The following WWTR1 variants were observed in gnomAD, a reference collection of about 807,000 sequenced individuals.
The protein encoded by WWTR1 is WW domain-containing transcription regulator protein 1.
Under a neutral mutation model 40.1 loss-of-function variants are expected in WWTR1, and 13 were observed. The ratio of observed to expected loss-of-function variants is 0.32; its 90% CI spans 0.21 to 0.52. WWTR1 has a LOEUF of 0.52. Among genes scored for constraint, WWTR1 ranks in the 20% least tolerant of loss-of-function variants. The pLI is 0.97. For missense variants in WWTR1, 436 were observed against 523.1 expected (o/e 0.83, Z 1.63); for synonymous variants, 230 against 210.1 (o/e 1.09, Z -0.82).
At chr3:149,574,816 C>T (rs530659859) in intron 2 of WWTR1, among the ~76,000 whole-genome samples, 1 of 150,378 alleles carries the variant, frequency 6.6e-6, no homozygotes, top group Non-Finnish European at 1.5e-5. Context: ...AAAAAAAGGC[C>T]GGGGGCGGTG....
chr3:149,565,320 A>G (rs1737260583), intron 3 of WWTR1, among the ~76,000 whole-genome samples: 1 of 150,678 alleles, frequency 6.6e-6, no homozygotes, highest in Non-Finnish European at 1.5e-5. Flanking sequence ...TTTTTTTTTA[A>G]GGAAAATTGT....
In WWTR1 at chr3:149,590,739, C is replaced by T. The variant is rs533895226; in HGVS notation, c.432-17739G>A. 3.9e-4 allele frequency among the ~76,000 whole-genome samples: 59 copies of T among 152,244 alleles called. No individual in the cohort carries two copies. In the South Asian group the frequency reaches 0.012, roughly 32 times the overall value. On this transcript the variant is annotated intron_variant, in intron 2 of 6. Transcript: ENST00000360632. ...GCAGAGCAGAGTCAAATCTTGTTCTCATAATAAGGTCTAGGGCTTTTTCCA... is the reference window on the plus strand; with the variant it reads ...GCAGAGCAGAGTCAAATCTTGTTCTTATAATAAGGTCTAGGGCTTTTTCCA...
intron 3 of WWTR1, among the ~76,000 whole-genome samples, chr3:149,549,773 A>T (rs951285365): frequency 6.6e-6 from 1 of 152,180 alleles, no homozygotes; most frequent in African/African-American, 2.4e-5. Flanking sequence ...CAGGAGGAAG[A>T]GACTACAATG....
chr3:149,574,185 C>A (rs1012241576), intron 2 of WWTR1, among the ~76,000 whole-genome samples: 6 of 151,976 alleles, frequency 3.9e-5, no homozygotes, highest in Non-Finnish European at 7.4e-5. Flanking sequence ...CACCTGCGAC[C>A]ACACCTGGCT....
chr3:149,691,882 G>A (rs1202553587), intron 1 of WWTR1, among the ~76,000 whole-genome samples: 2 of 152,230 alleles, frequency 1.3e-5, no homozygotes, highest in African/African-American at 4.8e-5. Flanking sequence ...CGGGCGTGGT[G>A]GCAGGCGCCT....
At chr3:149,631,041 T>C (rs943378460) in intron 2 of WWTR1, among the ~76,000 whole-genome samples, 7 of 152,158 alleles carry the variant, frequency 4.6e-5, no homozygotes, top group African/African-American at 1.7e-4. Context: ...AGCCTGGAAA[T>C]GTTGACCTTT....
intron 2 of WWTR1, among the ~76,000 whole-genome samples, chr3:149,610,815 A>G (rs1418726209): frequency 6.6e-6 from 1 of 152,112 alleles, no homozygotes; most frequent in Non-Finnish European, 1.5e-5. Flanking sequence ...GGGGGACTCA[A>G]AAGAAGAAAA....
upstream of WWTR1, among the ~76,000 whole-genome samples, chr3:149,704,638 T>C (rs916029513): frequency 1.3e-5 from 2 of 152,066 alleles, no homozygotes; most frequent in African/African-American, 2.4e-5. Context: ...TCTAGAAAAC[T>C]TGCTCAGACC....
chr3:149,690,658 T>C (rs1245111565), intron 1 of WWTR1, among the ~76,000 whole-genome samples: 3 of 152,118 alleles, frequency 2.0e-5, no homozygotes, highest in African/African-American at 7.2e-5. Flanking sequence ...GATCCTAATA[T>C]AATAATAGCT....
At chr3:149,693,995 T>C (rs887046900) in intron 1 of WWTR1, among the ~76,000 whole-genome samples, 3 of 152,046 alleles carry the variant, frequency 2.0e-5, no homozygotes, top group Non-Finnish European at 4.4e-5. Flanking sequence ...ATGGACAAAT[T>C]GAATCAAATC....
intron 4 of WWTR1, among the ~76,000 whole-genome samples, chr3:149,529,575 T>C (rs1035634617): frequency 6.6e-6 from 1 of 152,186 alleles, no homozygotes; most frequent in Non-Finnish European, 1.5e-5. Flanking sequence ...ATTTTTTTGG[T>C]AAAAAGTGAT....
At chr3:149,571,570 A>G (rs944704923) in intron 3 of WWTR1, among the ~76,000 whole-genome samples, 3 of 152,192 alleles carry the variant, frequency 2.0e-5, no homozygotes, top group African/African-American at 7.2e-5. Flanking sequence ...GAAACTGTAC[A>G]TCTGCAAGCT....
intron 4 of WWTR1, among the ~76,000 whole-genome samples, chr3:149,721,470 T>A (rs926239676): frequency 6.6e-6 from 1 of 152,198 alleles, no homozygotes; most frequent in Non-Finnish European, 1.5e-5. Flanking sequence ...CCATAGCGTA[T>A]AATCTTTTAA....
chr3:149,593,316 T>A (rs1487654141), intron 2 of WWTR1, among the ~76,000 whole-genome samples: 1 of 152,190 alleles, frequency 6.6e-6, no homozygotes, highest in African/African-American at 2.4e-5. Flanking sequence ...CACCGTACAC[T>A]ACTCATGAAG....
At chr3:149,673,605 A>C (rs961680062) in intron 1 of WWTR1, among the ~76,000 whole-genome samples, 1 of 152,194 alleles carries the variant, frequency 6.6e-6, no homozygotes, top group Non-Finnish European at 1.5e-5. Context: ...TCTGCTGCTC[A>C]GAGACATTTT....
chr3:149,649,272 G>A (rs1033756579), intron 2 of WWTR1, among the ~76,000 whole-genome samples: 13 of 152,174 alleles, frequency 8.5e-5, no homozygotes, highest in African/African-American at 2.4e-5. Flanking sequence ...GATTACAGGC[G>A]TGAGCCACCG....
At chr3:149,594,361 A>G (rs973210838) in intron 2 of WWTR1, among the ~76,000 whole-genome samples, 1 of 152,126 alleles carries the variant, frequency 6.6e-6, no homozygotes, top group African/African-American at 2.4e-5. Context: ...ATGGTGTACA[A>G]TATTTGGTTT....
chr3:149,695,077 T>C (rs1714941936), intron 1 of WWTR1, among the ~76,000 whole-genome samples: 1 of 152,218 alleles, frequency 6.6e-6, no homozygotes, highest in South Asian at 2.1e-4. Context: ...ACTTTGCATG[T>C]TCTCAATCAT....
chr3:149,643,703 TAAG>T (rs1712324509), intron 2 of WWTR1, among the ~76,000 whole-genome samples: 1 of 152,168 alleles, frequency 6.6e-6, no homozygotes, highest in Non-Finnish European at 1.5e-5. Flanking sequence ...TGAATTATCA[TAAG>T]AATTAGTACC....
Sources: allele counts gnomAD v4.1 joint callset (sites outside exome capture counted in the v4.1 genomes callset), GRCh38; gene constraint gnomAD v4.1.1; transcripts MANE v1.5; gene names NCBI Gene and HGNC (gene_info 2026-07-23, HGNC 2026-07-21).